The following GPR39 variants were observed in gnomAD, a reference collection of about 807,000 sequenced individuals.
The protein encoded by GPR39 is zinc sensing receptor.
GPR39 carries 23 observed loss-of-function variants against 18.4 expected under a neutral mutation model. The ratio of observed to expected loss-of-function variants is 1.25; its 90% CI spans 0.90 to 1.77. The LOEUF is 1.77. GPR39 is among the 40% of genes most tolerant of loss of function. The pLI, the probability that GPR39 is intolerant of heterozygous loss-of-function variation, is 0.00. For missense variants in GPR39, 647 were observed against 602.4 expected (o/e 1.07, Z -0.78); for synonymous variants, 280 against 257.9 (o/e 1.09, Z -0.82).
chr2:132,592,358 A>G (rs1236413757), intron 1 of GPR39, among the ~76,000 whole-genome samples: 1 of 152,224 alleles, frequency 6.6e-6, no homozygotes, highest in African/African-American at 2.4e-5. Flanking sequence ...TCCAGGTAGA[A>G]GGCACAGAAG....
rs975153846 is a variant in GPR39, at chr2:132,645,309, C to T, written c.1065C>T (p.Phe355=). ...CCTCGCAGCAGTTTCGGCGGGTGTTCGTGCAGGTGCTGTGCTGCCGCCTGT... is the reference window on the plus strand; with the variant it reads ...CCTCGCAGCAGTTTCGGCGGGTGTTTGTGCAGGTGCTGTGCTGCCGCCTGT... ...TVSSQQFRRV[F]VQVLCCRLSL... Residue 355 remains phenylalanine, a synonymous_variant, in exon 2 of 2, where the codon TTC becomes TTT. Transcript: ENST00000329321. 6 of 1,614,176 alleles carry T rather than the reference C, an allele frequency of 3.7e-6. No individual in the cohort carries two copies. The highest frequency in any genetic ancestry group is 3.3e-5 in the Admixed American group (2 of 60,024).
chr2:132,508,487 T>C (rs915240175), intron 1 of GPR39, among the ~76,000 whole-genome samples: 3 of 151,690 alleles, frequency 2.0e-5, no homozygotes, highest in Non-Finnish European at 4.4e-5. Flanking sequence ...GACTAAATGC[T>C]CAGGGTCCTC....
chr2:132,515,991 T>A (rs1386545163), intron 1 of GPR39, among the ~76,000 whole-genome samples: 1 of 152,186 alleles, frequency 6.6e-6, no homozygotes, highest in Non-Finnish European at 1.5e-5. Flanking sequence ...TGTATTATTT[T>A]CTCCTGTTAA....
chr2:132,464,883 A>T (rs141672074), intron 1 of GPR39, among the ~76,000 whole-genome samples: 90 of 152,292 alleles, frequency 5.9e-4, no homozygotes, highest in South Asian at 1.2e-3. Context: ...TTCTATGAAG[A>T]TGGGAGCCAA....
Position 132,501,056 on chromosome 2 carries a change from T to G in GPR39, c.856+83158T>G, listed in dbSNP as rs1228076381. Among the ~76,000 whole-genome samples, 18 of 6,000 alleles carry G rather than the reference T, an allele frequency of 3.0e-3. No homozygotes were observed. The South Asian group carries it at 0.062, about 21-fold the overall frequency. 3.9% of individuals were successfully genotyped at this position (6,000 alleles called of 152,430 possible). A position where few individuals can be genotyped will look rare whatever the true frequency, so the allele number is the denominator to read the frequency against. ...TTTTTGTTTCATTTATCTTTTGTGTTTTTTTTTTTTTTTTTTTGGTTTCAG... is the reference window on the plus strand; with the variant it reads ...TTTTTGTTTCATTTATCTTTTGTGTGTTTTTTTTTTTTTTTTTGGTTTCAG... On this transcript the variant is annotated intron_variant, in intron 1 of 1. Transcript: ENST00000329321.
chr2:132,471,034 G>T (rs1240319322), intron 1 of GPR39, among the ~76,000 whole-genome samples: 1 of 152,128 alleles, frequency 6.6e-6, no homozygotes, highest in African/African-American at 2.4e-5. Flanking sequence ...TACCCATGTG[G>T]ATATCTTGCC....
chr2:132,497,670 A>C (rs1681672832), intron 1 of GPR39, among the ~76,000 whole-genome samples: 1 of 152,158 alleles, frequency 6.6e-6, no homozygotes, highest in Non-Finnish European at 1.5e-5. Flanking sequence ...CACCCTACTT[A>C]TTATGCCATC....
intron 1 of GPR39, among the ~76,000 whole-genome samples, chr2:132,465,421 C>CG (rs1680910792): frequency 1.3e-5 from 2 of 152,188 alleles, no homozygotes; most frequent in Non-Finnish European, 2.9e-5. Flanking sequence ...CTCCCTGTAC[C>CG]CCCTCTCCAA....
intron 1 of GPR39, among the ~76,000 whole-genome samples, chr2:132,542,159 A>C (rs1241328991): frequency 6.6e-6 from 1 of 152,222 alleles, no homozygotes; most frequent in Non-Finnish European, 1.5e-5. Flanking sequence ...CATCTATAGC[A>C]GGTGGACAGG....
At chr2:132,637,120 A>G (rs1208109846) in intron 1 of GPR39, among the ~76,000 whole-genome samples, 1 of 152,258 alleles carries the variant, frequency 6.6e-6, no homozygotes, top group African/African-American at 2.4e-5. Context: ...CCAGTTGATC[A>G]TTTATCATGC....
intron 1 of GPR39, among the ~76,000 whole-genome samples, chr2:132,428,001 G>A (rs2104757091): frequency 6.7e-6 from 1 of 148,878 alleles, no homozygotes; most frequent in East Asian, 2.0e-4. Context: ...GACAGCTGAT[G>A]GGTTTTCACT....
chr2:132,627,329 C>A (rs1681567868), intron 1 of GPR39, among the ~76,000 whole-genome samples: 1 of 152,190 alleles, frequency 6.6e-6, no homozygotes, highest in Non-Finnish European at 1.5e-5. Flanking sequence ...TTTAGGCAGG[C>A]ATGAAAACTG....
chr2:132,570,125 C>T (rs978703520), intron 1 of GPR39, among the ~76,000 whole-genome samples: 26 of 152,308 alleles, frequency 1.7e-4, no homozygotes, highest in Admixed American at 1.2e-3. Flanking sequence ...GGAGCCCACT[C>T]ACTGCCCTTG....
intron 1 of GPR39, among the ~76,000 whole-genome samples, chr2:132,497,234 A>T (rs1056264458): frequency 6.6e-6 from 1 of 152,060 alleles, no homozygotes; most frequent in Non-Finnish European, 1.5e-5. Context: ...CCAACATGTG[A>T]CTCCTAACAT....
chr2:132,586,803 G>A (rs1040734391), intron 1 of GPR39, among the ~76,000 whole-genome samples: 1 of 152,192 alleles, frequency 6.6e-6, no homozygotes, highest in Non-Finnish European at 1.5e-5. Flanking sequence ...CCCACCATAT[G>A]GGATTCTCGA....
At chr2:132,605,202 G>A (rs1367310471) in intron 1 of GPR39, among the ~76,000 whole-genome samples, 1 of 152,178 alleles carries the variant, frequency 6.6e-6, no homozygotes, top group Non-Finnish European at 1.5e-5. Context: ...TGTGCATATT[G>A]TAGTTCTGCA....
intron 1 of GPR39, among the ~76,000 whole-genome samples, chr2:132,544,753 G>A (rs1257315087): frequency 6.6e-6 from 1 of 152,176 alleles, no homozygotes; most frequent in Non-Finnish European, 1.5e-5. Flanking sequence ...GAAGAATGAG[G>A]TTATACTGAC....
At position 132,646,502 on chromosome 2, in the gene GPR39, G is replaced by T. The variant is rs774657321; in HGVS notation, c.*896G>T. On this transcript the variant is annotated 3_prime_UTR_variant, in exon 2 of 2. Coordinates refer to ENST00000329321, the MANE Select transcript of GPR39 (RefSeq NM_001508.3). ...GTTTTAACAAAACTGTTCCAAAAGC[G>T]ATTTGAGATGCCAATACCTGTGAAT... 1.0e-5 allele frequency: 4 copies of T among 395,272 alleles called. No individual in the cohort carries two copies. Among genetic ancestry groups the T allele is most frequent in the Non-Finnish European group, 1.8e-5 (4 of 224,566 alleles). 24.5% of individuals were successfully genotyped at this position (395,272 alleles called of 1,614,324 possible). A position where few individuals can be genotyped will look rare whatever the true frequency, so the allele number is the denominator to read the frequency against.
intron 1 of GPR39, among the ~76,000 whole-genome samples, chr2:132,518,444 A>G (rs569945134): frequency 9.9e-5 from 15 of 152,208 alleles, no homozygotes; most frequent in Non-Finnish European, 5.9e-5. Flanking sequence ...ATGAATGTCT[A>G]TGCACTGCGA....
Sources: allele counts gnomAD v4.1 joint callset (sites outside exome capture counted in the v4.1 genomes callset), GRCh38; gene constraint gnomAD v4.1.1; transcripts MANE v1.5; gene names NCBI Gene and HGNC (gene_info 2026-07-23, HGNC 2026-07-21).